Variants in COG5 observed in about 807,000 individuals in gnomAD.
COG5 encodes the protein conserved oligomeric Golgi complex subunit 5.
In COG5, 86 loss-of-function variants were observed where a neutral mutation model predicts 110.4. The ratio of observed to expected loss-of-function variants is 0.78; its 90% CI spans 0.65 to 0.93. The LOEUF (loss-of-function observed/expected upper bound fraction) is 0.93. COG5 is among the 40% of genes least tolerant of loss of function. COG5 has a pLI of 0.00. For synonymous variants in COG5, 360 were observed against 334.6 expected (o/e 1.08, Z -0.83); for missense variants, 1,077 against 987.0 (o/e 1.09, Z -1.22).
chr7:107,447,069 T>G (rs1330269916), intron 6 of COG5, among the ~76,000 whole-genome samples: 2 of 152,200 alleles, frequency 1.3e-5, no homozygotes, highest in Non-Finnish European at 2.9e-5. Flanking sequence ...CAGCCAGGTT[T>G]TTGACAAGGT....
At chr7:107,300,041 A>T (rs115834683) in intron 11 of COG5, among the ~76,000 whole-genome samples, 2,235 of 151,828 alleles carry the variant, frequency 0.015, 52 homozygotes, top group African/African-American at 0.052. Context: ...CTGAAAATCA[A>T]TCAATGTGAT....
At chr7:107,336,169 G>A (rs1032568284) in intron 10 of COG5, among the ~76,000 whole-genome samples, 1 of 152,080 alleles carries the variant, frequency 6.6e-6, no homozygotes, top group Non-Finnish European at 1.5e-5. Flanking sequence ...TGTCCATCAA[G>A]GGATAAATAA....
intron 16 of COG5, among the ~76,000 whole-genome samples, chr7:107,252,691 G>A (rs1489528234): frequency 1.3e-5 from 2 of 151,956 alleles, no homozygotes; most frequent in Non-Finnish European, 2.9e-5. Flanking sequence ...TACATAAAAG[G>A]ATACATTAAG....
At chr7:107,206,199 G>C (rs916206996) in intron 21 of COG5, among the ~76,000 whole-genome samples, 2 of 152,156 alleles carry the variant, frequency 1.3e-5, no homozygotes, top group Non-Finnish European at 2.9e-5. Flanking sequence ...TTGACCTCGT[G>C]ATCCGCCCAC....
chr7:107,563,086 T>G (rs144772326), intron 1 of COG5, among the ~76,000 whole-genome samples: 1 of 152,332 alleles, frequency 6.6e-6, no homozygotes, highest in East Asian at 1.9e-4. Context: ...TTCTGAAGGA[T>G]AAGAGATTCG....
intron 6 of COG5, among the ~76,000 whole-genome samples, chr7:107,459,423 A>T (rs754160860): frequency 2.1e-4 from 32 of 152,108 alleles, no homozygotes; most frequent in Non-Finnish European, 4.6e-4. Flanking sequence ...AAAAACTAAA[A>T]CTGACAAATC....
intron 14 of COG5, among the ~76,000 whole-genome samples, chr7:107,265,415 C>G (rs1803718473): frequency 6.6e-6 from 1 of 152,116 alleles, no homozygotes; most frequent in African/African-American, 2.4e-5. Flanking sequence ...GTAGCTGGGA[C>G]CACAGGCATA....
intron 19 of COG5, among the ~76,000 whole-genome samples, chr7:107,224,061 G>C (rs1301327618): frequency 6.6e-6 from 1 of 152,240 alleles, no homozygotes; most frequent in Admixed American, 6.5e-5. Context: ...CAAGATGGTG[G>C]TTGCCTTCTG....
Position 107,258,952 on chromosome 7 carries a change from G to C in COG5, c.1576-569C>G, listed in dbSNP as rs141510754. Among the ~76,000 whole-genome samples the C allele has an allele frequency of 3.0e-3, 463 of 152,068 alleles. 2 individuals are homozygous for C. Among genetic ancestry groups the C allele is most frequent in the African/African-American group, 9.8e-3 (405 of 41,498 alleles). On this transcript the variant is annotated intron_variant, in intron 14 of 21. Transcript: ENST00000297135. Reference sequence around the variant, plus strand: ...ACTAATGAAATGAATTGTGCAAAGAGGGTATTACTATGATTTTTTATAGAT... The same window carrying C: ...ACTAATGAAATGAATTGTGCAAAGACGGTATTACTATGATTTTTTATAGAT...
intron 17 of COG5, among the ~76,000 whole-genome samples, chr7:107,238,891 T>C (rs1584557981): frequency 6.6e-6 from 1 of 152,322 alleles, no homozygotes; most frequent in African/African-American, 2.4e-5. Flanking sequence ...TGGACGTTAA[T>C]CCCCGTATCA....
At chr7:107,484,754 C>T (rs1797556038) in intron 6 of COG5, among the ~76,000 whole-genome samples, 1 of 152,142 alleles carries the variant, frequency 6.6e-6, no homozygotes, top group African/African-American at 2.4e-5. Context: ...TAACATCAAA[C>T]TAAAGTGAAA....
chr7:107,513,029 A>C (rs1459591458), intron 6 of COG5, among the ~76,000 whole-genome samples: 2 of 152,160 alleles, frequency 1.3e-5, no homozygotes, highest in Non-Finnish European at 2.9e-5. Flanking sequence ...ATGGCAACAA[A>C]AGACAAAATT....
intron 6 of COG5, among the ~76,000 whole-genome samples, chr7:107,452,328 T>C (rs1305474571): frequency 6.6e-6 from 1 of 152,162 alleles, no homozygotes; most frequent in Non-Finnish European, 1.5e-5. Context: ...TTCCCTAATA[T>C]GGCTTGGATG....
rs1422923917 is a variant in COG5, at chr7:107,415,969, CACAT to C, written c.539-3341_539-3338del. On this transcript the variant is annotated intron_variant, in intron 6 of 21. Coordinates refer to ENST00000297135, the MANE Select transcript of COG5 (RefSeq NM_006348.5). Reference sequence around the variant, plus strand: ...GTATGTATGTGTGTGTATATACACACACATACACGTATGTATATATGTGTGTATA... The same window carrying C: ...GTATGTATGTGTGTGTATATACACACACACGTATGTATATATGTGTGTATA... Among the ~76,000 whole-genome samples, 16 of 123,206 alleles carry C rather than the reference CACAT, an allele frequency of 1.3e-4. 2 individuals carry two copies. Among genetic ancestry groups the C allele is most frequent in the Non-Finnish European group, 9.1e-5 (5 of 54,688 alleles). The allele number at this position is 123,206 out of a possible 152,430, so 80.8% of individuals were successfully genotyped here. A position where few individuals can be genotyped will look rare whatever the true frequency, so the allele number is the denominator to read the frequency against.
chr7:107,507,364 G>A (rs1017207819), intron 6 of COG5, among the ~76,000 whole-genome samples: 6 of 146,786 alleles, frequency 4.1e-5, no homozygotes, highest in Admixed American at 3.5e-4. Context: ...TGCAATCTCC[G>A]CTCACTGCAA....
chr7:107,337,566 T>C (rs1201559479), intron 10 of COG5, among the ~76,000 whole-genome samples: 1 of 152,006 alleles, frequency 6.6e-6, no homozygotes, highest in African/African-American at 2.4e-5. Context: ...TTTTTACTCA[T>C]ATATGGCATA....
At position 107,203,274 on chromosome 7, in the gene COG5, T is replaced by C. The variant is rs759494116; in HGVS notation, c.*242A>G. The C allele has an allele frequency of 1.9e-6, 1 of 529,070 alleles. No homozygotes were observed. Among genetic ancestry groups the C allele is most frequent in the Non-Finnish European group, 3.4e-6 (1 of 294,702 alleles). The allele number at this position is 529,070 out of a possible 1,614,324, so 32.8% of individuals were successfully genotyped here. On this transcript the variant is annotated 3_prime_UTR_variant, in exon 22 of 22. Coordinates refer to ENST00000297135, the MANE Select transcript of COG5 (RefSeq NM_006348.5). ...AAGACATTTTAGCCTTGTACAAAAA[T>C]CTGAAAGAGGAAAACATCTTTCTGG... is the stretch of plus-strand genomic sequence containing the variant.
At chr7:107,223,356 G>A (rs998886126) in intron 19 of COG5, among the ~76,000 whole-genome samples, 7 of 152,244 alleles carry the variant, frequency 4.6e-5, no homozygotes, top group East Asian at 1.9e-4. Flanking sequence ...TGGCACGAGG[G>A]GCCATGTGGG....
intron 10 of COG5, among the ~76,000 whole-genome samples, chr7:107,352,927 A>G (rs1812291879): frequency 6.6e-6 from 1 of 152,312 alleles, no homozygotes; most frequent in East Asian, 1.9e-4. Flanking sequence ...CTGTTTTCCA[A>G]TGTGTGGATC....
Sources: gnomAD v4.1 joint callset for allele counts (sites outside exome capture counted in the v4.1 genomes callset) on GRCh38, gnomAD v4.1.1 for gene constraint, MANE v1.5 for transcripts, NCBI Gene and HGNC (gene_info 2026-07-23, HGNC 2026-07-21) for gene names.